The following CAPN2 variants were observed in gnomAD, a reference collection of about 807,000 sequenced individuals.
CAPN2 encodes the protein calpain-2 catalytic subunit.
Under a neutral mutation model 102.3 loss-of-function variants are expected in CAPN2, and 92 were observed. The ratio of observed to expected loss-of-function variants is 0.90; its 90% confidence interval spans 0.76 to 1.07. The LOEUF is 1.07. CAPN2 is among the 50% of genes least tolerant of loss of function. CAPN2 has a pLI of 0.00. For missense variants in CAPN2, 800 were observed against 909.4 expected (o/e 0.88, Z 1.55); for synonymous variants, 340 against 355.4 (o/e 0.96, Z 0.49).
rs896965471 is a variant in CAPN2 at position 223,756,782 on chromosome 1, C to T, written c.1306-587C>T. 6.6e-6 allele frequency among the ~76,000 whole-genome samples: 1 copy of T among 152,200 alleles called. No individual in the cohort carries two copies. Among genetic ancestry groups the T allele is most frequent in the African/African-American group, 2.4e-5 (1 of 41,452 alleles). On this transcript the variant is annotated intron_variant, in intron 10 of 20. Transcript: ENST00000295006. This position sits in a 1 kb window ranked among gnomAD's most constrained non-coding sequence, Gnocchi z 4.1. ...GGAGCTGAGGACTTCGGATCTGGGA[C>T]AGAATCGATCCAAGGACAATGCAAA...
Position 223,759,649 on chromosome 1 carries a change from T to C in CAPN2, c.1529+168T>C, listed in dbSNP as rs1192690247. Among the ~76,000 whole-genome samples, 4 of 152,218 alleles carry C rather than the reference T, an allele frequency of 2.6e-5. No homozygotes were observed. Among genetic ancestry groups the C allele is most frequent in the Non-Finnish European group, 5.9e-5 (4 of 68,042 alleles). ...GGGATTTGATGGATTGAGGAAGTTC[T>C]AGTGTTATAGTAAGGTAAACAATGG... On this transcript the variant is annotated intron_variant, in intron 12 of 20. Coordinates refer to ENST00000295006, the MANE Select transcript of CAPN2 (RefSeq NM_001748.5). This position sits in a 1 kb window ranked among gnomAD's most constrained non-coding sequence, Gnocchi z 4.6.
chr1:223,755,154 A>G lies in CAPN2; in HGVS notation c.1136-326A>G, dbSNP rs553032432. The stretch of plus-strand genomic sequence containing the variant: ...GTCTCCCACCTCCTAGCCTCTCCCA[A>G]CATCGCCTGCCGTCTCTGACCATCT... On this transcript the variant is annotated intron_variant, in intron 9 of 20. Transcript: ENST00000295006. This position sits in a 1 kb window ranked among gnomAD's most constrained non-coding sequence, Gnocchi z 4.1. 2.6e-5 allele frequency among the ~76,000 whole-genome samples: 4 copies of G among 151,628 alleles called. No individual in the cohort carries two copies. Among genetic ancestry groups the G allele is most frequent in the Admixed American group, 2.0e-4 (3 of 15,214 alleles).
chr1:223,774,897 A>T lies in CAPN2; in HGVS notation c.*40A>T. ...TGCCTGAAGACTTCTCATGATGGAA[A>T]ATCAGCCAAGGACTAAGCTTCCATA... is the stretch of plus-strand genomic sequence containing the variant. On this transcript the variant is annotated 3_prime_UTR_variant, in exon 21 of 21. Coordinates refer to ENST00000295006, the MANE Select transcript of CAPN2 (RefSeq NM_001748.5). The T allele has an allele frequency of 6.3e-7, 1 of 1,583,288 alleles. No individual in the cohort carries two copies. The highest frequency in any genetic ancestry group is 8.7e-7 in the Non-Finnish European group (1 of 1,153,396).
At chr1:223,738,936 C>T (rs7555226) in intron 2 of CAPN2, among the ~76,000 whole-genome samples, 31,984 of 152,170 alleles carry the variant, frequency 0.21, 5,323 homozygotes, top group African/African-American at 0.46. Flanking sequence ...TGCACTCCTC[C>T]CTTCTTCTGG....
intron 2 of CAPN2, among the ~76,000 whole-genome samples, chr1:223,740,580 G>T (rs989570136): frequency 6.6e-6 from 1 of 152,210 alleles, no homozygotes; most frequent in Admixed American, 6.5e-5. Flanking sequence ...AACACCTTTA[G>T]ATAAGGAAGA....
intron 1 of CAPN2, among the ~76,000 whole-genome samples, chr1:223,714,527 C>A (rs1659825389): frequency 6.6e-6 from 1 of 151,580 alleles, no homozygotes; most frequent in Non-Finnish European, 1.5e-5. Flanking sequence ...ACCTGTAATC[C>A]CAGCACTATG....
At position 223,747,038 on chromosome 1, in the gene CAPN2, C is replaced by G. The variant is rs768514311; in HGVS notation, c.602C>G (p.Thr201Ser). ...CYEALSGGAT[T>S]EGFEDFTGGI... ...GAAGCGCTATCAGGGGGTGCCACCA[C>G]TGAGGGCTTCGAAGACTTCACCGGA... The change falls in exon 5 of 21, where the codon ACT becomes AGT. Residue 201 changes from threonine to serine, a missense_variant. Transcript: ENST00000295006. 45 of 1,613,950 alleles carry G rather than the reference C, an allele frequency of 2.8e-5. No individual in the cohort carries two copies. In the East Asian group the frequency reaches 8.9e-4, roughly 32 times the overall value.
chr1:223,743,233 CGTT>C (rs1386228559), intron 2 of CAPN2, among the ~76,000 whole-genome samples: 7 of 152,338 alleles, frequency 4.6e-5, no homozygotes, highest in Admixed American at 4.6e-4. Context: ...CTGCCCACCT[CGTT>C]GTGCCCATCC....
rs1661065827 is a variant in CAPN2, at chr1:223,757,477, G to A, written c.1317+97G>A. On this transcript the variant is annotated intron_variant, in intron 11 of 20. Transcript: ENST00000295006. ...GGAGCGTCGTGAAGCCCGGGCAGGG[G>A]CTGGTGGTCATGAAGGATGAGTCCT... The A allele has an allele frequency of 4.3e-6, 6 of 1,391,510 alleles. No homozygotes were observed. In the African/African-American group the frequency reaches 5.7e-5, roughly 13 times the overall value. The allele number at this position is 1,391,510 out of a possible 1,614,324, so 86.2% of individuals were successfully genotyped here. A position where few individuals can be genotyped will look rare whatever the true frequency, so the allele number is the denominator to read the frequency against.
Position 223,764,283 on chromosome 1 carries a change from C to T in CAPN2, c.1690+76C>T, listed in dbSNP as rs737066. 3 of 1,292,374 alleles carry T rather than the reference C, an allele frequency of 2.3e-6. No individual in the cohort carries two copies. In the African/African-American group the frequency reaches 4.4e-5, roughly 19 times the overall value. The allele number at this position is 1,292,374 out of a possible 1,614,324, so 80.1% of individuals were successfully genotyped here. On this transcript the variant is annotated intron_variant, in intron 15 of 20. Coordinates refer to ENST00000295006, the MANE Select transcript of CAPN2 (RefSeq NM_001748.5). ...GGGAGGGAACATGGAAATCTTTCCC[C>T]CTCCATGTCTGGCTGCTGTGACTAA...
chr1:223,750,993 C>T lies in CAPN2; in HGVS notation c.899+18C>T. ...AATGACAAGTGAGGAGGGCGCAGGC[C>T]TCGGGGCCCCAGGCGGGGGTGCATT... On this transcript the variant is annotated intron_variant, in intron 7 of 20. Coordinates refer to ENST00000295006, the MANE Select transcript of CAPN2 (RefSeq NM_001748.5). 6.5e-7 allele frequency: 1 copy of T among 1,549,322 alleles called. No homozygotes were observed. The highest frequency in any genetic ancestry group is 8.7e-7 in the Non-Finnish European group (1 of 1,144,804).
At chr1:223,741,784 T>C (rs979178869) in intron 2 of CAPN2, among the ~76,000 whole-genome samples, 2 of 150,910 alleles carry the variant, frequency 1.3e-5, no homozygotes, top group African/African-American at 4.9e-5. Context: ...TCTTTTCTTT[T>C]CTTTTTGGGG....
At position 223,759,528 on chromosome 1, in the gene CAPN2, C is replaced by T. The variant is rs112154472; in HGVS notation, c.1529+47C>T. 4.2e-5 allele frequency: 64 copies of T among 1,538,342 alleles called. 5 individuals carry two copies. Among genetic ancestry groups the T allele is most frequent in the African/African-American group, 3.9e-4 (29 of 73,552 alleles). ...TCTCCCCACCCTTCCCTGTCCCTCC[C>T]CACTGGTCTGTTCCTCGGCCCCTAG... On this transcript the variant is annotated intron_variant, in intron 12 of 20. Transcript: ENST00000295006. This position sits in a 1 kb window ranked among gnomAD's most constrained non-coding sequence, Gnocchi z 4.6.
chr1:223,764,283 C>A (rs737066), intron 15 of CAPN2, 76 bp downstream of exon 15: 107,178 of 1,292,450 alleles, frequency 0.083, 6,385 homozygotes, highest in African/African-American at 0.24. Flanking sequence ...AATCTTTCCC[C>A]CTCCATGTCT....
chr1:223,734,598 C>T (rs1273081373), intron 2 of CAPN2, among the ~76,000 whole-genome samples: 3 of 152,182 alleles, frequency 2.0e-5, no homozygotes, highest in Non-Finnish European at 4.4e-5. Context: ...CACTGACCCC[C>T]GGCCACAACC....
At chr1:223,739,198 TTTTTAGACAGAGTC>T (rs1660544202) in intron 2 of CAPN2, among the ~76,000 whole-genome samples, 1 of 151,308 alleles carries the variant, frequency 6.6e-6, no homozygotes, top group Non-Finnish European at 1.5e-5. Flanking sequence ...TTTTTTTTTT[TTTTTAGACAGAGTC>T]TCACTCTGTG....
chr1:223,715,618 G>A (rs1659856934), intron 1 of CAPN2, among the ~76,000 whole-genome samples: 1 of 152,148 alleles, frequency 6.6e-6, no homozygotes, highest in East Asian at 1.9e-4. Flanking sequence ...AGTAAGTCCA[G>A]TGGGGTCCAA....
intron 2 of CAPN2, among the ~76,000 whole-genome samples, chr1:223,719,232 G>A (rs936727716): frequency 2.0e-5 from 3 of 152,102 alleles, no homozygotes; most frequent in Admixed American, 6.6e-5. Context: ...GACCAACCCC[G>A]GGGGCTTTAG....
intron 14 of CAPN2, 64 bp downstream of exon 14, chr1:223,762,315 C>G: frequency 7.7e-7 from 1 of 1,293,938 alleles, no homozygotes. Context: ...CAGTGTGTGT[C>G]CCCAAGGGGA....
Sources: gnomAD v4.1 joint callset for allele counts (sites outside exome capture counted in the v4.1 genomes callset) on GRCh38, gnomAD v4.1.1 for gene constraint, Gnocchi (gnomAD v3.1) non-coding constraint, MANE v1.5 for transcripts, NCBI Gene and HGNC (gene_info 2026-07-23, HGNC 2026-07-21) for gene names.